The following EMB variants were observed in gnomAD, a reference collection of about 807,000 sequenced individuals.
EMB encodes the protein embigin homolog.
In EMB, 31 loss-of-function variants were observed where a neutral mutation model predicts 41.4. That is an observed-to-expected ratio of 0.75 (90% CI 0.56 to 1.01). EMB has a LOEUF of 1.01. EMB is among the 50% of genes least tolerant of loss of function. The pLI is 0.00. For synonymous variants in EMB, 137 were observed against 140.4 expected (o/e 0.98, Z 0.17); for missense variants, 379 against 388.3 (o/e 0.98, Z 0.20).
chr5:50,397,199 T>C lies in EMB; in HGVS notation c.*2074A>G, dbSNP rs1049420926. Reference sequence around the variant, plus strand: ...TCAATTTATATTTGGTCAATATTAGTTAATTCATTTATCATCTCTGTAAGA... The same window carrying C: ...TCAATTTATATTTGGTCAATATTAGCTAATTCATTTATCATCTCTGTAAGA... On this transcript the variant is annotated 3_prime_UTR_variant, in exon 9 of 9. Coordinates refer to ENST00000303221, the MANE Select transcript of EMB (RefSeq NM_198449.3). 6.6e-6 allele frequency: 1 copy of C among 152,144 alleles called. No homozygotes were observed. Among genetic ancestry groups the C allele is most frequent in the Non-Finnish European group, 1.5e-5 (1 of 68,020 alleles). The allele number at this position is 152,144 out of a possible 1,614,324, so 9.4% of individuals were successfully genotyped here.
Position 50,399,901 on chromosome 5 carries a change from A to G in EMB, c.924T>C (p.Asp308=), listed in dbSNP as rs1561129466. 3.7e-6 allele frequency: 6 copies of G among 1,604,014 alleles called. No homozygotes were observed. Among genetic ancestry groups the G allele is most frequent in the Middle Eastern group, 1.7e-4 (1 of 6,004 alleles). Reference sequence around the variant, plus strand: ...GGACATTATTTTCTATACCATTGCTATCATCTGATTTCCTGCACAGAAAAC... The same window carrying G: ...GGACATTATTTTCTATACCATTGCTGTCATCTGATTTCCTGCACAGAAAAC... ...FEQIEQLKSD[D]SNGIENNVPR... is the part of the protein sequence containing the mutation. Residue 308 remains aspartate, a synonymous_variant, in exon 8 of 9, where the codon GAT becomes GAC. Transcript: ENST00000303221.
Position 50,398,728 on chromosome 5 carries a change from A to G in EMB, c.*545T>C, listed in dbSNP as rs1745110825. 6.6e-6 allele frequency: 1 copy of G among 152,092 alleles called. No homozygotes were observed. Among genetic ancestry groups the G allele is most frequent in the Non-Finnish European group, 1.5e-5 (1 of 67,960 alleles). The allele number at this position is 152,092 out of a possible 1,614,324, so 9.4% of individuals were successfully genotyped here. A position where few individuals can be genotyped will look rare whatever the true frequency, so the allele number is the denominator to read the frequency against. On this transcript the variant is annotated 3_prime_UTR_variant, in exon 9 of 9. Transcript: ENST00000303221. ...GATAAAAGGTATATTTTTCTTGTGGAGATTGTAGAATAACTATCATTAGCA... is the reference window on the plus strand; with the variant it reads ...GATAAAAGGTATATTTTTCTTGTGGGGATTGTAGAATAACTATCATTAGCA...
chr5:50,423,772 G>T (rs34730675), intron 2 of EMB, among the ~76,000 whole-genome samples: 17,660 of 152,192 alleles, frequency 0.12, 1,169 homozygotes, highest in East Asian at 0.17. Context: ...TTTAAACTGT[G>T]TTGAGGACAG....
intron 1 of EMB, among the ~76,000 whole-genome samples, chr5:50,440,520 T>A (rs1262901565): frequency 4.1e-5 from 2 of 49,126 alleles, no homozygotes; most frequent in Admixed American, 3.4e-4. Flanking sequence ...GCAACAAGAG[T>A]AAAACTCCGT....
intron 2 of EMB, among the ~76,000 whole-genome samples, chr5:50,425,164 T>C (rs1289969020): frequency 6.6e-6 from 1 of 152,168 alleles, no homozygotes; most frequent in Non-Finnish European, 1.5e-5. Flanking sequence ...ATCTGAGTGG[T>C]CCTAACCTAG....
chr5:50,418,765 T>C (rs1745468669), intron 2 of EMB, among the ~76,000 whole-genome samples: 1 of 152,246 alleles, frequency 6.6e-6, no homozygotes, highest in African/African-American at 2.4e-5. Flanking sequence ...CCTGAGGTCC[T>C]TGGCATTGCC....
intron 1 of EMB, among the ~76,000 whole-genome samples, chr5:50,432,812 C>T (rs1018296008): frequency 4.7e-5 from 7 of 149,356 alleles, no homozygotes; most frequent in Non-Finnish European, 8.9e-5. Context: ...GGCGCGGTGG[C>T]TCACGCTTCT....
At chr5:50,431,809 TAA>T (rs1453243502) in intron 1 of EMB, among the ~76,000 whole-genome samples, 1 of 152,172 alleles carries the variant, frequency 6.6e-6, no homozygotes, top group Non-Finnish European at 1.5e-5. Flanking sequence ...CTCAAGAGAT[TAA>T]AAGACTTTTT....
At chr5:50,438,422 G>T (rs1223509200) in intron 1 of EMB, among the ~76,000 whole-genome samples, 1 of 152,138 alleles carries the variant, frequency 6.6e-6, no homozygotes, top group South Asian at 2.1e-4. Context: ...GTGAATCAGG[G>T]ATAGAAGAAT....
At chr5:50,407,025 T>G (rs1258863576) in intron 4 of EMB, among the ~76,000 whole-genome samples, 1 of 151,974 alleles carries the variant, frequency 6.6e-6, no homozygotes, top group Non-Finnish European at 1.5e-5. Flanking sequence ...ACAGCCCTGT[T>G]AGGCTCACCT....
chr5:50,411,387 T>C lies in EMB; in HGVS notation c.197-4A>G, dbSNP rs200680116. 432 of 1,577,068 alleles carry C rather than the reference T, an allele frequency of 2.7e-4. No individual in the cohort carries two copies. Among genetic ancestry groups the C allele is most frequent in the Admixed American group, 3.6e-4 (20 of 56,116 alleles). On this transcript the variant is annotated splice_region_variant and splice_polypyrimidine_tract_variant and intron_variant, in intron 2 of 8. Transcript: ENST00000303221. ...TCTACTGGCATACTAGAATGTTCTA[T>C]TAGCACAAAAGAGGACAAAATGTGA...
intron 2 of EMB, among the ~76,000 whole-genome samples, chr5:50,419,548 T>TACACACACACACAC (rs58712109): frequency 4.3e-4 from 64 of 147,224 alleles, no homozygotes; most frequent in African/African-American, 1.4e-3. Context: ...CACACACACA[T>TACACACACACACAC]ACACACACAC....
At position 50,405,712 on chromosome 5, in the gene EMB, G is replaced by A. The variant is rs748420374; in HGVS notation, c.600+13C>T. Reference sequence around the variant, plus strand: ...GTTGTTGTTGTTTTCTTCAAATCAAGGAACTATCTTACCTTTACACTCCCA... The same window carrying A: ...GTTGTTGTTGTTTTCTTCAAATCAAAGAACTATCTTACCTTTACACTCCCA... On this transcript the variant is annotated intron_variant, in intron 5 of 8. Transcript: ENST00000303221. The A allele has an allele frequency of 1.3e-6, 2 of 1,563,162 alleles. No individual in the cohort carries two copies. The highest frequency in any genetic ancestry group is 4.6e-5 in the East Asian group (2 of 43,060).
rs1406732946 is a variant in EMB at position 50,430,351 on chromosome 5, G to C, written c.113-2124C>G. On this transcript the variant is annotated intron_variant, in intron 1 of 8. Coordinates refer to ENST00000303221, the MANE Select transcript of EMB (RefSeq NM_198449.3). ...GGTTCTTATTATACTCTTTATCCCTGAAACAAGCCCATAACCTTTTTGAGA... is the reference window on the plus strand; with the variant it reads ...GGTTCTTATTATACTCTTTATCCCTCAAACAAGCCCATAACCTTTTTGAGA... 1.3e-5 allele frequency among the ~76,000 whole-genome samples: 2 copies of C among 152,228 alleles called. 1 individual carries two copies. The highest frequency in any genetic ancestry group is 4.1e-4 in the South Asian group (2 of 4,824).
intron 2 of EMB, among the ~76,000 whole-genome samples, chr5:50,426,506 T>G (rs1745612794): frequency 6.6e-6 from 1 of 152,206 alleles, no homozygotes; most frequent in South Asian, 2.1e-4. Context: ...CGAGAATCTT[T>G]GGATAAGTAT....
chr5:50,428,728 A>G, intron 1 of EMB: 1 of 985,336 alleles, frequency 1.0e-6, no homozygotes, highest in Non-Finnish European at 1.2e-6. Context: ...TTTGTTTTCT[A>G]GCTACGGTTA....
chr5:50,430,122 G>C (rs1476572080), intron 1 of EMB, among the ~76,000 whole-genome samples: 2 of 152,084 alleles, frequency 1.3e-5, no homozygotes, highest in African/African-American at 4.8e-5. Context: ...AGCATACTTA[G>C]AGGTTATATT....
intron 2 of EMB, among the ~76,000 whole-genome samples, chr5:50,426,829 T>C (rs780932026): frequency 1.3e-5 from 2 of 151,408 alleles, no homozygotes; most frequent in Admixed American, 1.3e-4. Context: ...AAGGTAAAAA[T>C]TGATAATCAG....
At chr5:50,425,357 G>C (rs1449304341) in intron 2 of EMB, among the ~76,000 whole-genome samples, 1 of 152,112 alleles carries the variant, frequency 6.6e-6, no homozygotes, top group Non-Finnish European at 1.5e-5. Context: ...AATAAAATGT[G>C]CCTTTGGGTC....
Sources: allele counts gnomAD v4.1 joint callset (sites outside exome capture counted in the v4.1 genomes callset), GRCh38; gene constraint gnomAD v4.1.1; transcripts MANE v1.5; gene names NCBI Gene and HGNC (gene_info 2026-07-23, HGNC 2026-07-21).